The following SMPX variants were observed in gnomAD, a reference collection of about 807,000 sequenced individuals.
The protein encoded by SMPX is small muscular protein.
A neutral mutation model predicts 6.3 loss-of-function variants in SMPX; 2 were observed. The ratio of observed to expected loss-of-function variants is 0.32; its 90% confidence interval spans 0.13 to 0.99. The LOEUF (loss-of-function observed/expected upper bound fraction) is 0.99, where lower values mean the gene tolerates loss of function less well. SMPX is among the 50% of genes least tolerant of loss of function. SMPX has a pLI of 0.49. For synonymous variants in SMPX, 32 were observed against 24.7 expected (o/e 1.30, Z -0.88); for missense variants, 60 against 66.8 (o/e 0.90, Z 0.36).
intron 2 of SMPX, among the ~76,000 whole-genome samples, chrX:21,744,601 C>T (rs1215852988): frequency 8.9e-6 from 1 of 111,893 alleles, no homozygotes; most frequent in Non-Finnish European, 1.9e-5. Flanking sequence ...GAATTTTGCC[C>T]ATACTTATTT....
At chrX:21,737,829 C>T (rs2092812144) in intron 3 of SMPX, 132 bp from the exon 4 acceptor site, 3 of 621,564 alleles carry the variant, frequency 4.8e-6, no homozygotes, top group Non-Finnish European at 7.7e-6. Context: ...GTGACTGTCC[C>T]TTGTGTTGTT....
chrX:21,744,129 G>A (rs938007283), intron 2 of SMPX, among the ~76,000 whole-genome samples: 28 of 111,843 alleles, frequency 2.5e-4, no homozygotes, highest in African/African-American at 8.1e-4. Flanking sequence ...TGTTCTGGCT[G>A]TTGCCCTCCT....
chrX:21,753,485 GA>G (rs1385039931), intron 2 of SMPX, among the ~76,000 whole-genome samples: 3 of 111,351 alleles, frequency 2.7e-5, no homozygotes, highest in African/African-American at 9.8e-5. Flanking sequence ...AAAAGTCCAA[GA>G]AAAAAGTCCC....
intron 4 of SMPX, among the ~76,000 whole-genome samples, chrX:21,735,271 C>T (rs2092809317): frequency 8.9e-6 from 1 of 112,014 alleles, no homozygotes; most frequent in Non-Finnish European, 1.9e-5. Flanking sequence ...AAAAGCAAAA[C>T]AGCTTGCTAC....
At chrX:21,717,234 A>G (rs184388331) in intron 4 of SMPX, among the ~76,000 whole-genome samples, 120 of 111,809 alleles carry the variant, frequency 1.1e-3, no homozygotes, top group Middle Eastern at 9.2e-3. Flanking sequence ...TGTTCTCGTG[A>G]GAGTGAGTTC....
chrX:21,719,770 G>C (rs746016872), intron 4 of SMPX, among the ~76,000 whole-genome samples: 2 of 111,976 alleles, frequency 1.8e-5, no homozygotes, highest in South Asian at 3.8e-4. Context: ...ACTTTCCTCA[G>C]TGCTCACACT....
intron 4 of SMPX, 26 bp downstream of exon 4, chrX:21,737,523 G>C: frequency 8.4e-7 from 1 of 1,183,846 alleles, no homozygotes; most frequent in East Asian, 3.0e-5. Flanking sequence ...GACTTTTTGA[G>C]ACAAAGAAGA....
chrX:21,728,528 C>T (rs926423234), intron 4 of SMPX, among the ~76,000 whole-genome samples: 1 of 112,256 alleles, frequency 8.9e-6, no homozygotes, highest in Admixed American at 9.5e-5. Context: ...AACACATCAA[C>T]CAACATGCCA....
At chrX:21,710,070 G>A (rs2092776876) in intron 4 of SMPX, among the ~76,000 whole-genome samples, 1 of 111,791 alleles carries the variant, frequency 8.9e-6, no homozygotes, top group African/African-American at 3.3e-5. Flanking sequence ...AGAAACATAG[G>A]ATGAGCCATT....
At chrX:21,754,739 T>C (rs1362660852) in intron 1 of SMPX, among the ~76,000 whole-genome samples, 1 of 112,001 alleles carries the variant, frequency 8.9e-6, no homozygotes, top group African/African-American at 3.2e-5. Flanking sequence ...CCATTGGGAG[T>C]GCCTCCTCTT....
chrX:21,706,370 G>A lies in SMPX; in HGVS notation c.*39C>T, dbSNP rs1242708017. On this transcript the variant is annotated 3_prime_UTR_variant, in exon 5 of 5. Coordinates refer to ENST00000379494, the MANE Select transcript of SMPX (RefSeq NM_014332.3). ...TAGTGAGCTATTGAATCCATCTTCT[G>A]CCTCTTTATTTCTTCACATCAATCC... The A allele has an allele frequency of 2.4e-6, 1 of 423,510 alleles. No homozygotes were observed. Among genetic ancestry groups the A allele is most frequent in the East Asian group, 4.7e-5 (1 of 21,410 alleles). The allele number at this position is 423,510 out of a possible 1,213,427, so 34.9% of individuals were successfully genotyped here. A position where few individuals can be genotyped will look rare whatever the true frequency, so the allele number is the denominator to read the frequency against.
chrX:21,746,675 C>T (rs2092821858), intron 2 of SMPX, among the ~76,000 whole-genome samples: 1 of 94,232 alleles, frequency 1.1e-5, no homozygotes, highest in Non-Finnish European at 2.1e-5. Flanking sequence ...TTTTTGACAG[C>T]AGATATTGAC....
At chrX:21,719,346 C>G (rs1049426476) in intron 4 of SMPX, among the ~76,000 whole-genome samples, 6 of 110,506 alleles carry the variant, frequency 5.4e-5, no homozygotes, top group African/African-American at 2.0e-4. Context: ...TGGTGAAACC[C>G]CATCTCTACT....
chrX:21,737,422 T>C lies in SMPX; in HGVS notation c.*14+127A>G, dbSNP rs1480608714. On this transcript the variant is annotated intron_variant, in intron 4 of 4. Coordinates refer to ENST00000379494, the MANE Select transcript of SMPX (RefSeq NM_014332.3). ...AACCAGAAAACTGCACCAGAAATAC[T>C]GACTTAAATTGAAGGCACCTGGTAT... The C allele has an allele frequency of 6.4e-6, 4 of 620,568 alleles. No homozygotes were observed. In the African/African-American group the frequency reaches 6.7e-5, roughly 10 times the overall value. The allele number at this position is 620,568 out of a possible 1,213,427, so 51.1% of individuals were successfully genotyped here.
intron 2 of SMPX, among the ~76,000 whole-genome samples, chrX:21,751,575 G>A (rs2092827465): frequency 8.9e-6 from 1 of 112,181 alleles, no homozygotes; most frequent in Non-Finnish European, 1.9e-5. Context: ...CAGCTAGCAA[G>A]TACTGGAGAC....
intron 4 of SMPX, among the ~76,000 whole-genome samples, chrX:21,715,389 T>C (rs1033167427): frequency 9.1e-6 from 1 of 110,178 alleles, no homozygotes; most frequent in African/African-American, 3.3e-5. Context: ...TTAAATCTCC[T>C]GGAGGGAGTT....
intron 2 of SMPX, among the ~76,000 whole-genome samples, chrX:21,750,706 C>G (rs2092826543): frequency 9.0e-6 from 1 of 111,621 alleles, no homozygotes. Context: ...CTTTACAATT[C>G]AAAAGCCATC....
rs190930440 is a variant in SMPX, at chrX:21,743,606, A to G, written c.132+144T>C. ...GAGCAAGACAACTAAAAAAATGTAC[A>G]TACTGTATGTTATTCCTTGACACAC... On this transcript the variant is annotated intron_variant, in intron 3 of 4. Transcript: ENST00000379494. The G allele has an allele frequency of 5.9e-6, 3 of 508,265 alleles. No homozygotes were observed. In the East Asian group the frequency reaches 1.1e-4, roughly 18 times the overall value. The allele number at this position is 508,265 out of a possible 1,213,427, so 41.9% of individuals were successfully genotyped here. A position where few individuals can be genotyped will look rare whatever the true frequency, so the allele number is the denominator to read the frequency against.
intron 4 of SMPX, among the ~76,000 whole-genome samples, chrX:21,736,259 AGAG>A (rs1657769868): frequency 8.9e-6 from 1 of 112,225 alleles, no homozygotes; most frequent in African/African-American, 3.2e-5. Flanking sequence ...CATTCTGTCT[AGAG>A]GAGAAGACAC....
Sources: gnomAD v4.1 joint callset for allele counts (sites outside exome capture counted in the v4.1 genomes callset) on GRCh38, gnomAD v4.1.1 for gene constraint, MANE v1.5 for transcripts, NCBI Gene and HGNC (gene_info 2026-07-23, HGNC 2026-07-21) for gene names.